The following TMEM221 variants were observed in gnomAD, a reference collection of about 807,000 sequenced individuals.
TMEM221 encodes transmembrane protein 221.
A neutral mutation model predicts 10.2 loss-of-function variants in TMEM221; 11 were observed. That is an observed-to-expected ratio of 1.08 (90% CI 0.68 to 1.79). The LOEUF is 1.79. Among genes scored for constraint, TMEM221 ranks in the 40% most tolerant of loss-of-function variants. The pLI is 0.00. For synonymous variants in TMEM221, 172 were observed against 199.8 expected, an observed-to-expected ratio of 0.86 and a Z score of 1.18; for missense variants, 382 against 417.7, an observed-to-expected ratio of 0.91 and a Z score of 0.75.
At position 17,436,513 on chromosome 19, in the gene TMEM221, C is replaced by T. The variant is rs1227699769; in HGVS notation, c.821G>A (p.Arg274His). 3.9e-6 allele frequency: 6 copies of T among 1,535,076 alleles called. No individual in the cohort carries two copies. The highest frequency in any genetic ancestry group is 5.2e-6 in the Non-Finnish European group (6 of 1,146,286). The change falls in exon 3 of 3, where the codon CGT becomes CAT. Residue 274 changes from arginine to histidine, a missense_variant. Arg to His is a conservative substitution (Grantham distance 29). Coordinates refer to ENST00000341130, the MANE Select transcript of TMEM221 (RefSeq NM_001190844.2). ...CCCTGGTCTGTGGCCCAGCATTCGA[C>T]GCATCTCGTGCGTAACCCCGTCCCA... ...GHWDGVTHEM[R>H]RMLGHRPGSM... is the part of the protein sequence containing the mutation.
rs3810209 is a variant in TMEM221, at chr19:17,445,245, A to C, written c.360T>G (p.His120Gln). 1 of 1,535,880 alleles carries C rather than the reference A, an allele frequency of 6.5e-7. No individual in the cohort carries two copies. The highest frequency in any genetic ancestry group is 2.0e-5 in the Admixed American group (1 of 50,942). ...WFLYDCRLLR[H>Q]VALGLFCCGI... ...CACAGCAGAAAAGGCCAAGGGCCAC[A>C]TGTCTGAGGAGGCGGCAGTCGTAGA... Residue 120 changes from histidine to glutamine, a missense_variant, in exon 2 of 3, where the codon CAT (histidine) becomes CAG (glutamine). Transcript: ENST00000341130.
Position 17,436,718 on chromosome 19 carries a change from G to GGCT in TMEM221, c.613_615dup (p.Ser205dup). ...ATACCCTGCTGAGGCTGAGCTCTGGGGCTGGCCTTGGAGACTTCGGCAGGG... is the reference window on the plus strand; with the variant it reads ...ATACCCTGCTGAGGCTGAGCTCTGGGGCTGCTGGCCTTGGAGACTTCGGCAGGG... On this transcript the variant is annotated inframe_insertion, in exon 3 of 3. Coordinates refer to ENST00000341130, the MANE Select transcript of TMEM221 (RefSeq NM_001190844.2). 1 of 1,532,210 alleles carries GGCT rather than the reference G, an allele frequency of 6.5e-7. No homozygotes were observed. The highest frequency in any genetic ancestry group is 1.2e-5 in the South Asian group (1 of 83,532). 94.9% of individuals were successfully genotyped at this position (1,532,210 alleles called of 1,614,324 possible). A position where few individuals can be genotyped will look rare whatever the true frequency, so the allele number is the denominator to read the frequency against.
chr19:17,448,477 C>A lies in TMEM221; in HGVS notation c.-15G>T, dbSNP rs770825053. On this transcript the variant is annotated 5_prime_UTR_variant, in exon 1 of 3. Coordinates refer to ENST00000341130, the MANE Select transcript of TMEM221 (RefSeq NM_001190844.2). This position sits in a 1 kb window ranked among gnomAD's most constrained non-coding sequence, Gnocchi z 4.7. ...GAACGGGCCATGGCGGGGGTTCCTGCGGGCCGGGGGAAGAGTTGAGGAATT... is the reference window on the plus strand; with the variant it reads ...GAACGGGCCATGGCGGGGGTTCCTGAGGGCCGGGGGAAGAGTTGAGGAATT... 7 of 1,454,952 alleles carry A rather than the reference C, an allele frequency of 4.8e-6. No homozygotes were observed. Among genetic ancestry groups the A allele is most frequent in the Admixed American group, 4.9e-5 (2 of 40,540 alleles). The allele number at this position is 1,454,952 out of a possible 1,614,324, so 90.1% of individuals were successfully genotyped here.
rs2074909529 is a variant in TMEM221, at chr19:17,436,575, G to A, written c.759C>T (p.Ser253=). The change falls in exon 3 of 3, where the codon TCC becomes TCT. Residue 253 remains serine (S), a synonymous_variant. Coordinates refer to ENST00000341130, the MANE Select transcript of TMEM221 (RefSeq NM_001190844.2). ...CAGCCGACAGTGTCCGGTGCATTCT[G>A]GATGCAGGCAGGCTGCTCTCCCAGC... is the stretch of plus-strand genomic sequence containing the variant. The part of the protein sequence containing the change: ...EGGWESSLPA[S]RMHRTLSAGL... 7 of 1,535,974 alleles carry A rather than the reference G, an allele frequency of 4.6e-6. No homozygotes were observed. The highest frequency in any genetic ancestry group is 6.1e-6 in the Non-Finnish European group (7 of 1,146,908).
chr19:17,441,235 G>A (rs1323767199), intron 2 of TMEM221, among the ~76,000 whole-genome samples: 1 of 151,336 alleles, frequency 6.6e-6, no homozygotes, highest in Non-Finnish European at 1.5e-5. Flanking sequence ...AAAAAGAAGG[G>A]ACTTTGAGGA....
intron 1 of TMEM221, among the ~76,000 whole-genome samples, chr19:17,447,552 A>T (rs1469743651): frequency 6.6e-6 from 1 of 152,196 alleles, no homozygotes; most frequent in Non-Finnish European, 1.5e-5. Flanking sequence ...ATTTCACAGA[A>T]TTCTGGACTA....
chr19:17,444,740 ATAT>A (rs1050254223), intron 2 of TMEM221: 4 of 143,490 alleles, frequency 2.8e-5, no homozygotes, highest in Admixed American at 7.2e-5. Context: ...ATATAAATAT[ATAT>A]TAATATAAAC....
At chr19:17,437,416 C>T (rs1247657133) in intron 2 of TMEM221, among the ~76,000 whole-genome samples, 11 of 152,184 alleles carry the variant, frequency 7.2e-5, no homozygotes, top group South Asian at 2.1e-4. Context: ...CAAGAGTGTC[C>T]GAGGCTCAGA....
intron 2 of TMEM221, among the ~76,000 whole-genome samples, chr19:17,441,843 TTGGCTGGAAACA>T (rs2074933316): frequency 7.4e-6 from 1 of 135,014 alleles, no homozygotes. Flanking sequence ...TTTTTTTTTT[TTGGCTGGAAACA>T]TTTTGAAAGG....
chr19:17,448,353 C>T lies in TMEM221; in HGVS notation c.110G>A (p.Gly37Asp), dbSNP rs1376317563. Reference sequence around the variant, plus strand: ...GCGCAGCCCCCGCAGCTCGGCGCGGCCCGCCTGCAGCTGAAACAGCAGCTG... The same window carrying T: ...GCGCAGCCCCCGCAGCTCGGCGCGGTCCGCCTGCAGCTGAAACAGCAGCTG... ...GAQLLFQLQA[G>D]RAELRGLRAE... The change falls in exon 1 of 3, where the codon GGC (glycine) becomes GAC (aspartate). Residue 37 changes from glycine (G) to aspartate (D), a missense_variant. By Grantham distance (94) the Gly-to-Asp change is moderately conservative. Coordinates refer to ENST00000341130, the MANE Select transcript of TMEM221 (RefSeq NM_001190844.2). This position sits in a 1 kb window ranked among gnomAD's most constrained non-coding sequence, Gnocchi z 4.7. 2.9e-6 allele frequency: 4 copies of T among 1,363,138 alleles called. No homozygotes were observed. Among genetic ancestry groups the T allele is most frequent in the Non-Finnish European group, 3.8e-6 (4 of 1,059,370 alleles). The allele number at this position is 1,363,138 out of a possible 1,614,324, so 84.4% of individuals were successfully genotyped here.
intron 2 of TMEM221, among the ~76,000 whole-genome samples, chr19:17,437,684 C>T (rs2074914912): frequency 6.6e-6 from 1 of 152,060 alleles, no homozygotes; most frequent in South Asian, 2.1e-4. Flanking sequence ...GCCGAGATCG[C>T]ACCACTGCAC....
At chr19:17,441,383 C>G (rs1386161489) in intron 2 of TMEM221, among the ~76,000 whole-genome samples, 1 of 151,968 alleles carries the variant, frequency 6.6e-6, no homozygotes, top group Non-Finnish European at 1.5e-5. Context: ...GTGGCGACCA[C>G]CAAAAATGTC....
In TMEM221 at chr19:17,448,106, A is replaced by C. The variant is rs1462012893; in HGVS notation, c.320+37T>G. 2.3e-6 allele frequency: 3 copies of C among 1,317,714 alleles called. No homozygotes were observed. Among genetic ancestry groups the C allele is most frequent in the Admixed American group, 8.2e-5 (2 of 24,526 alleles). 81.6% of individuals were successfully genotyped at this position (1,317,714 alleles called of 1,614,324 possible). ...GCTCAACCAGGCTCACCCAGCCCCC[A>C]GCCGGGCCTCCGAGGCGGTGAGGCC... On this transcript the variant is annotated intron_variant, in intron 1 of 2. Coordinates refer to ENST00000341130, the MANE Select transcript of TMEM221 (RefSeq NM_001190844.2). This position sits in a 1 kb window ranked among gnomAD's most constrained non-coding sequence, Gnocchi z 4.7.
In TMEM221 at chr19:17,440,222, ATTTTT is replaced by A. The variant is rs71162130; in HGVS notation, c.407-3300_407-3296del. 1.9e-3 allele frequency among the ~76,000 whole-genome samples: 187 copies of A among 96,416 alleles called. 1 individual carries two copies. Among genetic ancestry groups the A allele is most frequent in the Middle Eastern group, 6.4e-3 (1 of 156 alleles). The allele number at this position is 96,416 out of a possible 152,430, so 63.3% of individuals were successfully genotyped here. ...AATAAAATACACTGGTTAAAATGGT[ATTTTT>A]TTTTTTTTTTTTTTTTTGAGATGGA... On this transcript the variant is annotated intron_variant, in intron 2 of 2. Coordinates refer to ENST00000341130, the MANE Select transcript of TMEM221 (RefSeq NM_001190844.2).
intron 2 of TMEM221, among the ~76,000 whole-genome samples, chr19:17,441,616 C>G (rs549811564): frequency 2.8e-4 from 43 of 152,310 alleles, no homozygotes; most frequent in Middle Eastern, 3.4e-3. Flanking sequence ...CTCAGCCTAT[C>G]AGAGTCAGCC....
intron 2 of TMEM221, among the ~76,000 whole-genome samples, chr19:17,438,001 C>G (rs887124671): frequency 6.6e-6 from 1 of 151,454 alleles, no homozygotes; most frequent in Non-Finnish European, 1.5e-5. Context: ...TCACTGCTGC[C>G]TCAACCTCCC....
At position 17,436,291 on chromosome 19, in the gene TMEM221, C is replaced by T; in HGVS notation, c.*167G>A. 1.5e-6 allele frequency: 1 copy of T among 653,626 alleles called. No individual in the cohort carries two copies. Among genetic ancestry groups the T allele is most frequent in the Admixed American group, 3.2e-5 (1 of 31,488 alleles). The allele number at this position is 653,626 out of a possible 1,614,324, so 40.5% of individuals were successfully genotyped here. ...TTCCCTCAGAATGAGGAGGTGAAGGCTGGAGCTCTGGCAATTATTTTGTGC... is the reference window on the plus strand; with the variant it reads ...TTCCCTCAGAATGAGGAGGTGAAGGTTGGAGCTCTGGCAATTATTTTGTGC... On this transcript the variant is annotated 3_prime_UTR_variant, in exon 3 of 3. Coordinates refer to ENST00000341130, the MANE Select transcript of TMEM221 (RefSeq NM_001190844.2).
At chr19:17,447,175 T>C in intron 1 of TMEM221, among the ~76,000 whole-genome samples, 1 of 149,064 alleles carries the variant, frequency 6.7e-6, no homozygotes, top group East Asian at 2.0e-4. Context: ...TGAACCGAGA[T>C]AGCGCCACTG....
rs2074962758 is a variant in TMEM221, at chr19:17,448,563, A to AG, written c.-102dup. On this transcript the variant is annotated 5_prime_UTR_variant, in exon 1 of 3. Transcript: ENST00000341130. The surrounding 1 kb of genome is among the most constrained non-coding windows in gnomAD (Gnocchi z 4.7). ...TCCGAGGGTCCTCAGGGGGTCCCCG[A>AG]GGGGGCGGGGCCGCAGGGAGTGTCT... is the stretch of plus-strand genomic sequence containing the variant. 2 of 648,448 alleles carry AG rather than the reference A, an allele frequency of 3.1e-6. No individual in the cohort carries two copies. Among genetic ancestry groups the AG allele is most frequent in the East Asian group, 9.3e-5 (1 of 10,762 alleles). The allele number at this position is 648,448 out of a possible 1,614,324, so 40.2% of individuals were successfully genotyped here. A position where few individuals can be genotyped will look rare whatever the true frequency, so the allele number is the denominator to read the frequency against.
Sources: gnomAD v4.1 joint callset for allele counts (sites outside exome capture counted in the v4.1 genomes callset) on GRCh38, gnomAD v4.1.1 for gene constraint, Gnocchi (gnomAD v3.1) non-coding constraint, MANE v1.5 for transcripts, NCBI Gene and HGNC (gene_info 2026-07-23, HGNC 2026-07-21) for gene names.